NKAIN3: variants seen among roughly 807,000 people sequenced by gnomAD.
NKAIN3 encodes the protein sodium/potassium transporting ATPase interacting 3.
In NKAIN3, 25 loss-of-function variants were observed where a neutral mutation model predicts 30.2. The observed-to-expected ratio is 0.83, with a 90% CI of 0.60 to 1.16. The LOEUF (loss-of-function observed/expected upper bound fraction) is 1.16, where lower values mean the gene tolerates loss of function less well. Ranked by LOEUF, NKAIN3 falls within the 50% of genes most tolerant of loss-of-function variation. NKAIN3 has a pLI of 0.00. For missense variants in NKAIN3, 225 were observed against 254.1 expected (o/e 0.89, Z 0.78); for synonymous variants, 91 against 89.6 (o/e 1.02, Z -0.09).
intron 3 of NKAIN3, among the ~76,000 whole-genome samples, chr8:62,700,335 C>T (rs564518695): frequency 6.6e-5 from 10 of 152,324 alleles, no homozygotes; most frequent in African/African-American, 2.4e-4. Flanking sequence ...CTGAAGACCA[C>T]GCAGATTCCA....
At chr8:62,602,807 C>G (rs1811020592) in intron 3 of NKAIN3, among the ~76,000 whole-genome samples, 1 of 152,072 alleles carries the variant, frequency 6.6e-6, no homozygotes, top group Non-Finnish European at 1.5e-5. Context: ...CCAAACATGG[C>G]AAATTCTTCC....
chr8:62,628,022 A>G (rs1811842074), intron 3 of NKAIN3, among the ~76,000 whole-genome samples: 1 of 152,154 alleles, frequency 6.6e-6, no homozygotes, highest in Non-Finnish European at 1.5e-5. Flanking sequence ...ACAGCCACCC[A>G]GATCTGTCAA....
chr8:62,528,345 A>AT (rs398112528), intron 1 of NKAIN3, among the ~76,000 whole-genome samples: 6 of 5,204 alleles, frequency 1.2e-3, no homozygotes, highest in African/African-American at 2.4e-3. Context: ...TATATAATAT[A>AT]TATATATATG....
intron 3 of NKAIN3, among the ~76,000 whole-genome samples, chr8:62,682,512 A>G (rs1220841963): frequency 6.6e-6 from 1 of 152,152 alleles, no homozygotes; most frequent in African/African-American, 2.4e-5. Flanking sequence ...CAAAGTGCAG[A>G]TGTGGGCAGG....
At chr8:62,270,636 T>A (rs575810004) in intron 1 of NKAIN3, among the ~76,000 whole-genome samples, 41 of 152,290 alleles carry the variant, frequency 2.7e-4, no homozygotes, top group African/African-American at 9.4e-4. Context: ...CACCACGTTG[T>A]GCAATATTTC....
chr8:62,934,390 AAT>A (rs1348295511), intron 5 of NKAIN3, among the ~76,000 whole-genome samples: 51 of 134,242 alleles, frequency 3.8e-4, no homozygotes, highest in African/African-American at 1.4e-3. Flanking sequence ...AAAAAAAAAA[AAT>A]GCAGACTAAA....
intron 1 of NKAIN3, among the ~76,000 whole-genome samples, chr8:62,338,275 AT>A (rs1248328030): frequency 6.6e-6 from 1 of 152,014 alleles, no homozygotes; most frequent in Non-Finnish European, 1.5e-5. Context: ...AAAGAAAAAA[AT>A]GGGAAATAAT....
At chr8:62,428,737 T>A (rs1019055406) in intron 1 of NKAIN3, among the ~76,000 whole-genome samples, 7 of 151,930 alleles carry the variant, frequency 4.6e-5, no homozygotes, top group Non-Finnish European at 8.8e-5. Flanking sequence ...ATTAATACCC[T>A]TTCAGATATT....
intron 1 of NKAIN3, among the ~76,000 whole-genome samples, chr8:62,529,680 C>T (rs1031848191): frequency 5.3e-5 from 8 of 152,062 alleles, no homozygotes; most frequent in Non-Finnish European, 1.0e-4. Context: ...GCCTCCAGAA[C>T]ATGAGAAATA....
intron 3 of NKAIN3, among the ~76,000 whole-genome samples, chr8:62,619,532 T>C (rs560429049): frequency 6.6e-6 from 1 of 152,238 alleles, no homozygotes; most frequent in South Asian, 2.1e-4. Flanking sequence ...ACCCAACCAA[T>C]GTATATCTTA....
chr8:62,997,914 G>A (rs1804158156), intron 5 of NKAIN3, among the ~76,000 whole-genome samples: 2 of 152,084 alleles, frequency 1.3e-5, no homozygotes, highest in South Asian at 4.1e-4. Context: ...GCTTTTTGGA[G>A]TCAGATTTAT....
At chr8:62,336,198 T>G (rs543091947) in intron 1 of NKAIN3, among the ~76,000 whole-genome samples, 1 of 152,166 alleles carries the variant, frequency 6.6e-6, no homozygotes, top group African/African-American at 2.4e-5. Flanking sequence ...ATATTCAGCA[T>G]GTTCTGGTCC....
At chr8:62,448,789 A>G (rs1031254081) in intron 1 of NKAIN3, among the ~76,000 whole-genome samples, 6 of 151,964 alleles carry the variant, frequency 3.9e-5, no homozygotes, top group African/African-American at 1.4e-4. Context: ...ATCAAATTTT[A>G]AAGTTATAAA....
At chr8:62,866,873 C>T (rs538755882) in intron 4 of NKAIN3, among the ~76,000 whole-genome samples, 111 of 132,490 alleles carry the variant, frequency 8.4e-4, no homozygotes, top group Middle Eastern at 3.8e-3. Context: ...AGTGAAACCC[C>T]GTCTCTACTA....
chr8:62,287,721 A>C (rs182636972), intron 1 of NKAIN3, among the ~76,000 whole-genome samples: 4 of 152,238 alleles, frequency 2.6e-5, no homozygotes, highest in Admixed American at 2.6e-4. Context: ...ATTTTAGCCT[A>C]TTAAAATATT....
At chr8:62,525,566 A>AGAAT (rs1808278449) in intron 1 of NKAIN3, among the ~76,000 whole-genome samples, 5 of 152,252 alleles carry the variant, frequency 3.3e-5, no homozygotes, top group African/African-American at 1.2e-4. Context: ...TCCCTGCAAA[A>AGAAT]GAATATAAAT....
intron 3 of NKAIN3, among the ~76,000 whole-genome samples, chr8:62,628,354 G>T (rs752272499): frequency 6.6e-6 from 1 of 152,098 alleles, no homozygotes; most frequent in Non-Finnish European, 1.5e-5. Context: ...AAGTTTTCCC[G>T]CTGGGTTTAT....
rs148541071 is a variant in NKAIN3 at position 62,734,683 on chromosome 8, G to A, written c.274-12249G>A. ...AGAATACAGTCACGGAAAGGAGAAT[G>A]TTTTGAGAAAAAGTCAGGAGTTAGT... On this transcript the variant is annotated intron_variant, in intron 3 of 6. Coordinates refer to ENST00000623646, the MANE Select transcript of NKAIN3 (RefSeq NM_001304533.3). Among the ~76,000 whole-genome samples, 22 of 152,326 alleles carry A rather than the reference G, an allele frequency of 1.4e-4. No individual in the cohort carries two copies. The East Asian group carries it at 4.2e-3, about 29-fold the overall frequency.
chr8:62,462,652 T>G (rs1806033213), intron 1 of NKAIN3, among the ~76,000 whole-genome samples: 1 of 152,150 alleles, frequency 6.6e-6, no homozygotes, highest in African/African-American at 2.4e-5. Flanking sequence ...CTGGGAACCA[T>G]GAGGCAACTT....
Sources: gnomAD v4.1 joint callset for allele counts (sites outside exome capture counted in the v4.1 genomes callset) on GRCh38, gnomAD v4.1.1 for gene constraint, MANE v1.5 for transcripts, NCBI Gene and HGNC (gene_info 2026-07-23, HGNC 2026-07-21) for gene names.